HS3ST4: variants seen among roughly 807,000 people sequenced by gnomAD.
HS3ST4 encodes heparan sulfate-glucosamine 3-sulfotransferase 4, also known as heparan sulfate glucosamine 3-O-sulfotransferase 4.
In HS3ST4, 17 loss-of-function variants were observed where a neutral mutation model predicts 29.2. The ratio of observed to expected loss-of-function variants is 0.58; its 90% confidence interval spans 0.40 to 0.87. The LOEUF (loss-of-function observed/expected upper bound fraction) is 0.87. Among genes scored for constraint, HS3ST4 ranks in the 40% least tolerant of loss-of-function variants. The probability of loss-of-function intolerance (pLI) is 0.00; values close to 1 mark genes in which losing one functional copy is unlikely to be tolerated. For synonymous variants in HS3ST4, 314 were observed against 285.7 expected (o/e 1.10, Z -1.00); for missense variants, 627 against 634.5 (o/e 0.99, Z 0.13).
chr16:25,776,284 G>A (rs1057193329), intron 1 of HS3ST4, among the ~76,000 whole-genome samples: 2 of 152,120 alleles, frequency 1.3e-5, no homozygotes, highest in Non-Finnish European at 2.9e-5. Flanking sequence ...AGTCAACCTG[G>A]GAACTGCTTA....
intron 1 of HS3ST4, among the ~76,000 whole-genome samples, chr16:25,752,781 A>G (rs774225211): frequency 3.3e-5 from 5 of 152,222 alleles, no homozygotes; most frequent in Non-Finnish European, 5.9e-5. Context: ...TGCTAACTAC[A>G]TACTGTACTT....
intron 1 of HS3ST4, among the ~76,000 whole-genome samples, chr16:26,030,300 C>G (rs554642356): frequency 4.6e-5 from 7 of 152,268 alleles, no homozygotes; most frequent in Non-Finnish European, 1.0e-4. Context: ...CTCAGCTACT[C>G]TGGAGGCTGT....
intron 1 of HS3ST4, among the ~76,000 whole-genome samples, chr16:26,131,276 A>G (rs1222213877): frequency 6.6e-6 from 1 of 152,240 alleles, no homozygotes; most frequent in Non-Finnish European, 1.5e-5. Context: ...CAAAGTTACC[A>G]GAAAAATAAA....
chr16:26,119,408 CACAG>C (rs1216550895), intron 1 of HS3ST4, among the ~76,000 whole-genome samples: 1 of 152,158 alleles, frequency 6.6e-6, no homozygotes, highest in Non-Finnish European at 1.5e-5. Flanking sequence ...AAATAGAGGC[CACAG>C]ACAGACTGAC....
At chr16:26,032,316 G>A (rs1213373744) in intron 1 of HS3ST4, among the ~76,000 whole-genome samples, 1 of 151,946 alleles carries the variant, frequency 6.6e-6, no homozygotes, top group South Asian at 2.1e-4. Flanking sequence ...AACTAGAAGG[G>A]AAAGGTGTTT....
At chr16:25,827,605 A>G (rs1484519392) in intron 1 of HS3ST4, among the ~76,000 whole-genome samples, 3 of 152,046 alleles carry the variant, frequency 2.0e-5, no homozygotes, top group Non-Finnish European at 4.4e-5. Flanking sequence ...TGAAGTAATC[A>G]TTTGGACATA....
At chr16:25,863,329 C>T (rs1967658206) in intron 1 of HS3ST4, among the ~76,000 whole-genome samples, 1 of 152,148 alleles carries the variant, frequency 6.6e-6, no homozygotes, top group African/African-American at 2.4e-5. Context: ...GATCTGCCCG[C>T]TTCAGCCTCC....
chr16:26,119,574 G>A (rs1397229321), intron 1 of HS3ST4, among the ~76,000 whole-genome samples: 2 of 152,124 alleles, frequency 1.3e-5, no homozygotes, highest in African/African-American at 4.8e-5. Context: ...TGCTGGGGGA[G>A]GGAGGGGATG....
intron 1 of HS3ST4, among the ~76,000 whole-genome samples, chr16:25,942,353 G>A (rs1484033460): frequency 6.6e-6 from 1 of 152,174 alleles, no homozygotes; most frequent in African/African-American, 2.4e-5. Flanking sequence ...TGTTTGTTGA[G>A]CAATGAGTCT....
chr16:25,774,483 C>T (rs1004418240), intron 1 of HS3ST4, among the ~76,000 whole-genome samples: 2 of 152,216 alleles, frequency 1.3e-5, no homozygotes, highest in Non-Finnish European at 2.9e-5. Flanking sequence ...TCTTCCCTTG[C>T]TACAGCAATG....
chr16:25,739,378 C>CA (rs200217064), intron 1 of HS3ST4, among the ~76,000 whole-genome samples: 2,480 of 151,892 alleles, frequency 0.016, 60 homozygotes, highest in African/African-American at 0.056. Flanking sequence ...AATAAACGAA[C>CA]AAAAAAAACT....
At chr16:25,736,740 C>T (rs1966612575) in intron 1 of HS3ST4, among the ~76,000 whole-genome samples, 1 of 152,200 alleles carries the variant, frequency 6.6e-6, no homozygotes, top group Non-Finnish European at 1.5e-5. Flanking sequence ...GTCCTCCTCC[C>T]CTCCCCATAC....
chr16:26,011,958 A>G (rs929242017), intron 1 of HS3ST4, among the ~76,000 whole-genome samples: 2 of 152,210 alleles, frequency 1.3e-5, no homozygotes, highest in Non-Finnish European at 2.9e-5. Flanking sequence ...TTAGGGCCAA[A>G]TGGCCTTTGC....
intron 1 of HS3ST4, among the ~76,000 whole-genome samples, chr16:25,778,071 G>T (rs1053505299): frequency 4.6e-5 from 7 of 151,900 alleles, no homozygotes; most frequent in African/African-American, 1.7e-4. Flanking sequence ...TTATTTTTCA[G>T]TATTTCTTTT....
chr16:25,791,430 A>C (rs1010194852), intron 1 of HS3ST4, among the ~76,000 whole-genome samples: 1 of 152,126 alleles, frequency 6.6e-6, no homozygotes, highest in Non-Finnish European at 1.5e-5. Flanking sequence ...CAAAAACAAA[A>C]TATTGGCTTT....
rs146740560 is a variant in HS3ST4 at position 26,113,912 on chromosome 16, G to A, written c.735-21700G>A. On this transcript the variant is annotated intron_variant, in intron 1 of 1. Transcript: ENST00000331351. Reference sequence around the variant, plus strand: ...CATGTTCATGTATGTATATATGTGTGCATATGTGGGCATACATATCTGCAT... The same window carrying A: ...CATGTTCATGTATGTATATATGTGTACATATGTGGGCATACATATCTGCAT... 2.5e-3 allele frequency among the ~76,000 whole-genome samples: 379 copies of A among 152,194 alleles called. 2 individuals carry two copies. The highest frequency in any genetic ancestry group is 8.4e-3 in the African/African-American group (347 of 41,514).
intron 1 of HS3ST4, among the ~76,000 whole-genome samples, chr16:26,124,008 G>T (rs7188324): frequency 0.031 from 4,644 of 151,974 alleles, 202 homozygotes; most frequent in African/African-American, 0.1. Flanking sequence ...GCAACTTGCG[G>T]CTCCCGGGTT....
intron 1 of HS3ST4, among the ~76,000 whole-genome samples, chr16:25,749,567 G>GGAA (rs751259036): frequency 2.6e-5 from 4 of 151,832 alleles, no homozygotes; most frequent in Admixed American, 6.6e-5. Context: ...GAGAGGAAGA[G>GGAA]GAAGAAGAAG....
intron 1 of HS3ST4, among the ~76,000 whole-genome samples, chr16:25,806,708 A>C (rs948714222): frequency 1.3e-5 from 2 of 152,132 alleles, no homozygotes; most frequent in Admixed American, 6.5e-5. Context: ...TTTTTCCCTA[A>C]TGGTAACATA....
Sources: gnomAD v4.1 joint callset for allele counts (sites outside exome capture counted in the v4.1 genomes callset) on GRCh38, gnomAD v4.1.1 for gene constraint, MANE v1.5 for transcripts, NCBI Gene and HGNC (gene_info 2026-07-23, HGNC 2026-07-21) for gene names.